GRIK4: variants seen among roughly 807,000 people sequenced by gnomAD.
The protein encoded by GRIK4 is glutamate ionotropic receptor kainate type subunit 4, also known as glutamate receptor ionotropic, kainate 4.
GRIK4 carries 40 observed loss-of-function variants against 104.9 expected under a neutral mutation model. That is an observed-to-expected ratio of 0.38 (90% CI 0.30 to 0.50). The LOEUF (loss-of-function observed/expected upper bound fraction) is 0.50. GRIK4 is among the 20% of genes least tolerant of loss of function. The pLI is 0.93. For missense variants in GRIK4, 1,047 were observed against 1,308.1 expected (o/e 0.80, Z 3.08); for synonymous variants, 485 against 524.9 (o/e 0.92, Z 1.04).
chr11:120,905,645 C>A lies in GRIK4; in HGVS notation c.1476+152C>A. The A allele has an allele frequency of 1.5e-6, 1 of 672,110 alleles. No individual in the cohort carries two copies. The highest frequency in any genetic ancestry group is 2.6e-6 in the Non-Finnish European group (1 of 380,198). The allele number at this position is 672,110 out of a possible 1,614,324, so 41.6% of individuals were successfully genotyped here. A position where few individuals can be genotyped will look rare whatever the true frequency, so the allele number is the denominator to read the frequency against. On this transcript the variant is annotated intron_variant, in intron 13 of 20. Transcript: ENST00000527524. This position sits in a 1 kb window ranked among gnomAD's most constrained non-coding sequence, Gnocchi z 5.1. ...TTGTCCACTCATTCTATAAATCTTG[C>A]CTGGACTGGCACAGACGTGCGGTGG...
intron 8 of GRIK4, among the ~76,000 whole-genome samples, chr11:120,842,780 G>A (rs1435628382): frequency 6.6e-6 from 1 of 152,220 alleles, no homozygotes; most frequent in Non-Finnish European, 1.5e-5. Context: ...GGAAACCTTT[G>A]TTGTGCAAGA....
chr11:120,873,454 G>C lies in GRIK4; in HGVS notation c.907-612G>C, dbSNP rs191653941. The C allele has an allele frequency of 5.5e-3, 832 of 152,434 alleles. 5 individuals carry two copies. The highest frequency in any genetic ancestry group is 8.2e-3 in the Non-Finnish European group (558 of 68,104). 9.4% of individuals were successfully genotyped at this position (152,434 alleles called of 1,614,324 possible). A position where few individuals can be genotyped will look rare whatever the true frequency, so the allele number is the denominator to read the frequency against. On this transcript the variant is annotated intron_variant, in intron 9 of 20. Transcript: ENST00000527524. The stretch of plus-strand genomic sequence containing the variant: ...TCTGTCTCATGTTCCTCTTGTTTGT[G>C]CCCTGTCTCCTCATACCTCCCTTCC...
intron 13 of GRIK4, among the ~76,000 whole-genome samples, chr11:120,937,538 G>T (rs1323705578): frequency 6.6e-6 from 1 of 152,138 alleles, no homozygotes; most frequent in East Asian, 1.9e-4. Context: ...GCCCTTTCCT[G>T]TCTCCTTCCC....
At chr11:120,917,088 A>G (rs549200249) in intron 13 of GRIK4, among the ~76,000 whole-genome samples, 227 of 152,070 alleles carry the variant, frequency 1.5e-3, no homozygotes, top group African/African-American at 5.3e-3. Flanking sequence ...TCTGATAAAA[A>G]ATACAAAAAT....
intron 3 of GRIK4, among the ~76,000 whole-genome samples, chr11:120,797,698 G>A (rs1471081533): frequency 2.0e-5 from 3 of 152,184 alleles, no homozygotes; most frequent in East Asian, 1.9e-4. Flanking sequence ...TGAATCGCAC[G>A]GGGGTTGGGA....
At chr11:120,864,285 G>A (rs939685445) in intron 9 of GRIK4, among the ~76,000 whole-genome samples, 1 of 151,308 alleles carries the variant, frequency 6.6e-6, no homozygotes, top group Non-Finnish European at 1.5e-5. Flanking sequence ...CTTTCGCCCA[G>A]GCTGGAGTGC....
chr11:120,708,698 C>T (rs549053065), intron 3 of GRIK4, among the ~76,000 whole-genome samples: 16 of 152,316 alleles, frequency 1.1e-4, no homozygotes, highest in Admixed American at 6.5e-4. Context: ...TACCCTCAGT[C>T]GGGCTGGGCC....
chr11:120,886,783 C>T (rs1324045264), intron 11 of GRIK4, among the ~76,000 whole-genome samples: 3 of 152,194 alleles, frequency 2.0e-5, no homozygotes, highest in Non-Finnish European at 4.4e-5. Context: ...TTCACTGCCC[C>T]GTACTCCTGC....
intron 1 of GRIK4, among the ~76,000 whole-genome samples, chr11:120,622,970 G>C (rs1003744831): frequency 6.6e-6 from 1 of 152,180 alleles, no homozygotes; most frequent in Admixed American, 6.5e-5. Flanking sequence ...ACATCCAGAG[G>C]TTCTGGGAGT....
At chr11:120,582,349 G>T (rs1310493308) in intron 1 of GRIK4, among the ~76,000 whole-genome samples, 1 of 151,602 alleles carries the variant, frequency 6.6e-6, no homozygotes, top group African/African-American at 2.4e-5. Flanking sequence ...TACATGTGTA[G>T]GTTTGTTATA....
At chr11:120,571,550 T>TCTGCTGGTTTACATCAGGTGTTC (rs1948399819) in intron 1 of GRIK4, among the ~76,000 whole-genome samples, 2 of 152,156 alleles carry the variant, frequency 1.3e-5, no homozygotes, top group Non-Finnish European at 2.9e-5. Context: ...CAAACCCAGG[T>TCTGCTGGTTTACATCAGGTGTTC]CTGCTGGTTT....
intron 8 of GRIK4, among the ~76,000 whole-genome samples, chr11:120,859,874 G>T (rs1954214947): frequency 6.6e-6 from 1 of 152,218 alleles, no homozygotes; most frequent in East Asian, 1.9e-4. Flanking sequence ...GTCAGGCATT[G>T]GTGGCTTCAA....
chr11:120,740,059 C>G (rs1951300015), intron 3 of GRIK4, among the ~76,000 whole-genome samples: 1 of 152,332 alleles, frequency 6.6e-6, no homozygotes, highest in Non-Finnish European at 1.5e-5. Context: ...TTACACGGAA[C>G]AGCTTGGGAT....
At chr11:120,732,416 C>A (rs1380118302) in intron 3 of GRIK4, among the ~76,000 whole-genome samples, 1 of 152,198 alleles carries the variant, frequency 6.6e-6, no homozygotes, top group Non-Finnish European at 1.5e-5. Flanking sequence ...CAGGTGTGAG[C>A]CACCATGCCC....
At chr11:120,628,560 C>T (rs1949289206) in intron 1 of GRIK4, among the ~76,000 whole-genome samples, 1 of 152,136 alleles carries the variant, frequency 6.6e-6, no homozygotes, top group African/African-American at 2.4e-5. Context: ...GCGCCTTGTG[C>T]AGAGAGGGAT....
intron 3 of GRIK4, among the ~76,000 whole-genome samples, chr11:120,750,516 G>A (rs1193572339): frequency 6.6e-6 from 1 of 150,916 alleles, no homozygotes; most frequent in Non-Finnish European, 1.5e-5. Context: ...ACAGGCATGT[G>A]CCACCGTGCT....
At chr11:120,632,306 G>A (rs575972351) in intron 1 of GRIK4, among the ~76,000 whole-genome samples, 2 of 152,156 alleles carry the variant, frequency 1.3e-5, no homozygotes, top group East Asian at 3.9e-4. Context: ...CCTTCAGAAC[G>A]GTGAGAAATA....
intron 13 of GRIK4, among the ~76,000 whole-genome samples, chr11:120,916,533 T>C (rs1943108504): frequency 6.6e-6 from 1 of 152,176 alleles, no homozygotes; most frequent in Non-Finnish European, 1.5e-5. Context: ...GGTGAAGTGG[T>C]AACATAGGTA....
At chr11:120,614,953 C>T (rs965859746) in intron 1 of GRIK4, among the ~76,000 whole-genome samples, 6 of 152,132 alleles carry the variant, frequency 3.9e-5, no homozygotes, top group African/African-American at 1.4e-4. Flanking sequence ...GAGCTGAGAT[C>T]GCGCCACTGC....
Sources: gnomAD v4.1 joint callset for allele counts (sites outside exome capture counted in the v4.1 genomes callset) on GRCh38, gnomAD v4.1.1 for gene constraint, Gnocchi (gnomAD v3.1) non-coding constraint, MANE v1.5 for transcripts, NCBI Gene and HGNC (gene_info 2026-07-23, HGNC 2026-07-21) for gene names.